Variants in CADPS observed in about 807,000 individuals in gnomAD.
CADPS encodes the protein calcium-dependent secretion activator 1.
In CADPS, 57 loss-of-function variants were observed where a neutral mutation model predicts 167.3. That is an observed-to-expected ratio of 0.34 (90% CI 0.28 to 0.42). The LOEUF (loss-of-function observed/expected upper bound fraction) is 0.42, where lower values mean the gene tolerates loss of function less well. CADPS is among the 20% of genes least tolerant of loss of function. The pLI is 1.00. For synonymous variants in CADPS, 676 were observed against 635.3 expected (o/e 1.06, Z -0.96); for missense variants, 1,414 against 1,738.1 (o/e 0.81, Z 3.32).
chr3:62,433,645 C>T lies in CADPS; in HGVS notation c.3777+4459G>A, dbSNP rs990312341. ...CATTACTACCAATGTGGATTCCATC[C>T]AAGTTCGAGATGGCTTTTTAATCAC... On this transcript the variant is annotated intron_variant, in intron 28 of 29. Transcript: ENST00000383710. The surrounding 1 kb of genome is among the most constrained non-coding windows in gnomAD (Gnocchi z 4.7). 6.6e-6 allele frequency among the ~76,000 whole-genome samples: 1 copy of T among 152,136 alleles called. No homozygotes were observed. Among genetic ancestry groups the T allele is most frequent in the Non-Finnish European group, 1.5e-5 (1 of 68,028 alleles).
intron 3 of CADPS, among the ~76,000 whole-genome samples, chr3:62,689,036 C>A (rs748472088): frequency 2.6e-5 from 4 of 152,024 alleles, no homozygotes; most frequent in Non-Finnish European, 4.4e-5. Context: ...TTTCTTTTCA[C>A]TTCCTTTGTT....
At chr3:62,472,252 T>A (rs1427700245) in intron 24 of CADPS, among the ~76,000 whole-genome samples, 2 of 152,078 alleles carry the variant, frequency 1.3e-5, no homozygotes, top group African/African-American at 4.8e-5. Context: ...GTGATAAAAA[T>A]GTCCTAAAAT....
intron 8 of CADPS, among the ~76,000 whole-genome samples, chr3:62,576,413 C>T (rs1345641248): frequency 6.6e-6 from 1 of 151,992 alleles, no homozygotes; most frequent in Non-Finnish European, 1.5e-5. Context: ...TGATATGTGT[C>T]AAGAGCTTAG....
At chr3:62,520,513 A>G (rs1318757698) in intron 13 of CADPS, among the ~76,000 whole-genome samples, 2 of 152,208 alleles carry the variant, frequency 1.3e-5, no homozygotes, top group Non-Finnish European at 2.9e-5. Context: ...ATAAAAGTAA[A>G]CAACTGAAAA....
chr3:62,406,502 C>T (rs1236255217), intron 28 of CADPS, among the ~76,000 whole-genome samples: 1 of 152,158 alleles, frequency 6.6e-6, no homozygotes, highest in Non-Finnish European at 1.5e-5. Flanking sequence ...ACCCTAACAC[C>T]TGGGCACTAA....
At chr3:62,722,916 C>T (rs931031208) in intron 3 of CADPS, among the ~76,000 whole-genome samples, 1 of 152,216 alleles carries the variant, frequency 6.6e-6, no homozygotes, top group African/African-American at 2.4e-5. Flanking sequence ...AGTAGAAAAA[C>T]CCCCTTACCC....
chr3:62,571,686 T>C (rs991604067), intron 8 of CADPS, among the ~76,000 whole-genome samples: 1 of 151,830 alleles, frequency 6.6e-6, no homozygotes, highest in Admixed American at 6.6e-5. Flanking sequence ...TGCCTCAGCC[T>C]CCCAAGTAGC....
intron 13 of CADPS, among the ~76,000 whole-genome samples, chr3:62,528,316 C>T (rs2072805519): frequency 6.6e-6 from 1 of 152,104 alleles, no homozygotes; most frequent in African/African-American, 2.4e-5. Flanking sequence ...TTTATGCGAG[C>T]CTCAAGCACT....
At chr3:62,449,889 A>G (rs1445466242) in intron 26 of CADPS, among the ~76,000 whole-genome samples, 2 of 152,060 alleles carry the variant, frequency 1.3e-5, no homozygotes. Flanking sequence ...AGGATTAGCT[A>G]GGTTAAAACT....
intron 24 of CADPS, 22 bp downstream of exon 24, chr3:62,474,151 G>GTCTTTTTTTTTTTTTTTTT: frequency 2.0e-6 from 1 of 496,850 alleles, no homozygotes; most frequent in Non-Finnish European, 2.7e-6. Context: ...AAAAAAATCT[G>GTCTTTTTTTTTTTTTTTTT]TATTTTTTTT....
intron 4 of CADPS, among the ~76,000 whole-genome samples, chr3:62,657,713 G>A (rs1206293873): frequency 5.9e-5 from 9 of 152,160 alleles, no homozygotes; most frequent in Non-Finnish European, 1.2e-4. Flanking sequence ...AGCCGTCTCT[G>A]TCTGATGATT....
chr3:62,739,713 A>C (rs1204274223), intron 3 of CADPS, among the ~76,000 whole-genome samples: 1 of 152,180 alleles, frequency 6.6e-6, no homozygotes, highest in Non-Finnish European at 1.5e-5. Context: ...TCCAATTTCA[A>C]AGAAGCAGTC....
chr3:62,670,197 G>A (rs1325601640), intron 3 of CADPS, among the ~76,000 whole-genome samples: 1 of 152,050 alleles, frequency 6.6e-6, no homozygotes, highest in African/African-American at 2.4e-5. Context: ...CAGACAGCAG[G>A]GGTTCAACAC....
In CADPS at chr3:62,655,812, T is replaced by C. The variant is rs528421074; in HGVS notation, c.970-4732A>G. Among the ~76,000 whole-genome samples, 171 of 152,214 alleles carry C rather than the reference T, an allele frequency of 1.1e-3. 1 individual carries two copies. Among genetic ancestry groups the C allele is most frequent in the Middle Eastern group, 3.4e-3 (1 of 294 alleles). ...TATTTAATCCAATCTCTCAGACACT[T>C]CCTGGGCTTCTGTCATGTGTCAGGT... On this transcript the variant is annotated intron_variant, in intron 4 of 29. Coordinates refer to ENST00000383710, the MANE Select transcript of CADPS (RefSeq NM_003716.4).
intron 3 of CADPS, among the ~76,000 whole-genome samples, chr3:62,725,826 T>C (rs2076651177): frequency 6.6e-6 from 1 of 151,860 alleles, no homozygotes; most frequent in South Asian, 2.1e-4. Flanking sequence ...ACATTTATCA[T>C]GGCATTCTAC....
chr3:62,770,891 GT>G (rs2088519761), intron 1 of CADPS, among the ~76,000 whole-genome samples: 1 of 152,152 alleles, frequency 6.6e-6, no homozygotes, highest in Non-Finnish European at 1.5e-5. Context: ...AGTGTTGCCT[GT>G]TTTTGAACTT....
Position 62,474,309 on chromosome 3 carries a change from G to A in CADPS, c.3341C>T (p.Ala1114Val). The change falls in exon 24 of 30, where the codon GCA (alanine) becomes GTA (valine). Residue 1114 changes from alanine to valine, a missense_variant. By Grantham distance (64) the Ala-to-Val change is moderately conservative. Coordinates refer to ENST00000383710, the MANE Select transcript of CADPS (RefSeq NM_003716.4). ...GGTTTTTTGCAGCTTAACTTCAAAT[G>A]CAATCCTGGTTCTATTAAAACAAAG... ...IESCVKRTRI[A>V]FEVKLQKTSR... 6.2e-7 allele frequency: 1 copy of A among 1,613,642 alleles called. No homozygotes were observed. Among genetic ancestry groups the A allele is most frequent in the Non-Finnish European group, 8.5e-7 (1 of 1,179,866 alleles).
intron 28 of CADPS, among the ~76,000 whole-genome samples, chr3:62,423,023 A>G (rs1054119419): frequency 5.3e-5 from 8 of 152,234 alleles, no homozygotes; most frequent in African/African-American, 1.9e-4. Flanking sequence ...AAGATCTTAG[A>G]ACACAGAGGG....
chr3:62,683,648 A>G (rs2077500136), intron 3 of CADPS, among the ~76,000 whole-genome samples: 1 of 151,896 alleles, frequency 6.6e-6, no homozygotes. Flanking sequence ...ACCTCATTAG[A>G]TTTTTTCCCA....
Sources: gnomAD v4.1 joint callset for allele counts (sites outside exome capture counted in the v4.1 genomes callset) on GRCh38, gnomAD v4.1.1 for gene constraint, Gnocchi (gnomAD v3.1) non-coding constraint, MANE v1.5 for transcripts, NCBI Gene and HGNC (gene_info 2026-07-23, HGNC 2026-07-21) for gene names.